CASD1: variants seen among roughly 807,000 people sequenced by gnomAD.
The protein encoded by CASD1 is N-acetylneuraminate (7)9-O-acetyltransferase.
CASD1 carries 41 observed loss-of-function variants against 100.0 expected under a neutral mutation model. The observed-to-expected ratio is 0.41, with a 90% confidence interval of 0.32 to 0.53. The LOEUF is 0.53. Among genes scored for constraint, CASD1 ranks in the 20% least tolerant of loss-of-function variants. CASD1 has a pLI of 0.25. For missense variants in CASD1, 774 were observed against 948.7 expected (o/e 0.82, Z 2.42); for synonymous variants, 321 against 315.6 (o/e 1.02, Z -0.18).
the CASD1 span, among the ~76,000 whole-genome samples, chr7:94,566,049 T>C: frequency 6.6e-6 from 1 of 152,206 alleles, no homozygotes; most frequent in Non-Finnish European, 1.5e-5. Flanking sequence ...GCCCAGTCAT[T>C]GGCTGGGATC....
chr7:94,579,974 C>T, the CASD1 span, among the ~76,000 whole-genome samples: 1 of 152,138 alleles, frequency 6.6e-6, no homozygotes, highest in South Asian at 2.1e-4. Context: ...TCAGAATTGG[C>T]TCCTCTCTGT....
chr7:94,622,055 T>C, the CASD1 span: 1 of 147,238 alleles, frequency 6.8e-6, no homozygotes, highest in Admixed American at 6.8e-5. Context: ...CCATACACGT[T>C]TAATTTTACA....
the CASD1 span, chr7:94,599,421 T>G: frequency 2.3e-6 from 1 of 426,996 alleles, no homozygotes; most frequent in Non-Finnish European, 4.1e-6. Flanking sequence ...GAAATGCAGA[T>G]TGGAAATCAC....
chr7:94,537,928 C>T, intron 9 of CASD1, 34 bp downstream of exon 9: 2 of 1,170,492 alleles, frequency 1.7e-6, no homozygotes, highest in Non-Finnish European at 2.5e-6. Context: ...TCATGTTACC[C>T]TTCTTGTCTC....
At chr7:94,520,972 A>G (rs6465416) in intron 3 of CASD1, among the ~76,000 whole-genome samples, 88,409 of 151,906 alleles carry the variant, frequency 0.58, 25,864 homozygotes, top group South Asian at 0.73. Context: ...TGTGCTTGTA[A>G]TCCTAGCTAC....
At chr7:94,568,822 C>T in the CASD1 span, among the ~76,000 whole-genome samples, 2 of 152,106 alleles carry the variant, frequency 1.3e-5, no homozygotes, top group Admixed American at 6.5e-5. Flanking sequence ...TGTGTGGACA[C>T]AGAAAATGGC....
chr7:94,525,523 T>C (rs1317049713), intron 3 of CASD1, among the ~76,000 whole-genome samples: 1 of 152,114 alleles, frequency 6.6e-6, no homozygotes, highest in Non-Finnish European at 1.5e-5. Flanking sequence ...TTTGTATATA[T>C]CAAACATTAT....
the CASD1 span, chr7:94,590,019 A>G: frequency 6.6e-6 from 1 of 152,278 alleles, no homozygotes; most frequent in African/African-American, 2.4e-5. Flanking sequence ...ACACATTTCA[A>G]TATTTCCTTG....
the CASD1 span, among the ~76,000 whole-genome samples, chr7:94,609,738 G>A: frequency 6.6e-6 from 1 of 152,200 alleles, no homozygotes; most frequent in East Asian, 1.9e-4. Context: ...TGAAGCAACA[G>A]CAACTTTTAT....
At chr7:94,530,450 C>T (rs1055593215) in intron 5 of CASD1, among the ~76,000 whole-genome samples, 2 of 152,114 alleles carry the variant, frequency 1.3e-5, no homozygotes, top group African/African-American at 4.8e-5. Context: ...ATATCCTCAG[C>T]CATACTGGGG....
chr7:94,619,967 TATA>T, the CASD1 span: 4 of 152,326 alleles, frequency 2.6e-5, no homozygotes, highest in East Asian at 5.8e-4. Flanking sequence ...TAGCTCTAAT[TATA>T]ATAATATGAA....
At chr7:94,592,230 G>T in the CASD1 span, among the ~76,000 whole-genome samples, 2 of 152,140 alleles carry the variant, frequency 1.3e-5, no homozygotes, top group African/African-American at 4.8e-5. Flanking sequence ...GAGTTGAAGG[G>T]ACATACTTTA....
At chr7:94,545,006 G>A (rs1293507346) in intron 11 of CASD1, among the ~76,000 whole-genome samples, 1 of 152,008 alleles carries the variant, frequency 6.6e-6, no homozygotes, top group African/African-American at 2.4e-5. Flanking sequence ...CATAGTAAGT[G>A]GTACAGCACT....
At position 94,509,843 on chromosome 7, in the gene CASD1, C is replaced by G. The variant is rs1334211803; in HGVS notation, c.-242C>G. ...GTCCAGGGCGCCTGGGGAACCGGCA[C>G]GGCGGAGCAGCGGCGGCGGGGCTGG... is the stretch of plus-strand genomic sequence containing the variant. On this transcript the variant is annotated 5_prime_UTR_variant, in exon 1 of 18. Transcript: ENST00000297273. 1 of 991,692 alleles carries G rather than the reference C, an allele frequency of 1.0e-6. No individual in the cohort carries two copies. The highest frequency in any genetic ancestry group is 1.8e-5 in the African/African-American group (1 of 56,384). 61.4% of individuals were successfully genotyped at this position (991,692 alleles called of 1,614,324 possible).
the CASD1 span, chr7:94,603,352 C>T: frequency 1.8e-5 from 29 of 1,612,572 alleles, no homozygotes; most frequent in Non-Finnish European, 2.3e-5. Flanking sequence ...CATGTTATTA[C>T]AGGCTCCATT....
chr7:94,594,821 T>C, the CASD1 span, among the ~76,000 whole-genome samples: 1 of 152,170 alleles, frequency 6.6e-6, no homozygotes. Flanking sequence ...GCCTTACATT[T>C]CTAGACTATG....
At chr7:94,573,203 TTCAGG>T in the CASD1 span, among the ~76,000 whole-genome samples, 1 of 152,266 alleles carries the variant, frequency 6.6e-6, no homozygotes, top group Non-Finnish European at 1.5e-5. Context: ...GCTTTGGCTA[TTCAGG>T]CTCTTTTTTG....
At chr7:94,528,303 C>T in intron 5 of CASD1, 53 bp downstream of exon 5, 3 of 1,271,456 alleles carry the variant, frequency 2.4e-6, no homozygotes, top group Non-Finnish European at 2.2e-6. Context: ...ATTCCCTTTA[C>T]ACAAGCATAT....
downstream of CASD1, among the ~76,000 whole-genome samples, chr7:94,559,906 T>A (rs1057056755): frequency 2.0e-5 from 3 of 152,240 alleles, no homozygotes; most frequent in Admixed American, 2.0e-4. Context: ...CCCTTTATTT[T>A]CAAATTAAAA....
Sources: allele counts gnomAD v4.1 joint callset (sites outside exome capture counted in the v4.1 genomes callset), GRCh38; gene constraint gnomAD v4.1.1; transcripts MANE v1.5; gene names NCBI Gene and HGNC (gene_info 2026-07-23, HGNC 2026-07-21).